The following BCL11A variants were observed in gnomAD, a reference collection of about 807,000 sequenced individuals.
The protein encoded by BCL11A is B cell CLL/lymphoma 11A.
A neutral mutation model predicts 55.9 loss-of-function variants in BCL11A; 2 were observed. The observed-to-expected ratio is 0.04, with a 90% CI of 0.01 to 0.11. The LOEUF (loss-of-function observed/expected upper bound fraction) is 0.11, where lower values mean the gene tolerates loss of function less well. Ranked by LOEUF, BCL11A falls within the 10% of genes least tolerant of loss-of-function variation. The probability of loss-of-function intolerance (pLI) is 1.00; values close to 1 mark genes in which losing one functional copy is unlikely to be tolerated. For synonymous variants in BCL11A, 465 were observed against 473.4 expected, an observed-to-expected ratio of 0.98 and a Z score of 0.23; for missense variants, 817 against 1,137.1, an observed-to-expected ratio of 0.72 and a Z score of 4.05.
At chr2:60,536,143 C>G (rs1669660520) in intron 2 of BCL11A, 2 of 152,212 alleles carry the variant, frequency 1.3e-5, no homozygotes, top group African/African-American at 4.8e-5. Flanking sequence ...GCTTACCGCT[C>G]CACTGCTAGA....
chr2:60,531,009 A>G (rs1315868264), intron 2 of BCL11A, among the ~76,000 whole-genome samples: 2 of 152,220 alleles, frequency 1.3e-5, no homozygotes, highest in Non-Finnish European at 2.9e-5. Flanking sequence ...GTCTGGCTAC[A>G]CCATGGCCAG....
intron 2 of BCL11A, among the ~76,000 whole-genome samples, chr2:60,492,350 C>G (rs1665759998): frequency 6.6e-6 from 1 of 151,556 alleles, no homozygotes; most frequent in African/African-American, 2.4e-5. Context: ...CTAGGCAACA[C>G]AGCGAGACCC....
At chr2:60,551,656 C>T (rs1670418124) in intron 1 of BCL11A, among the ~76,000 whole-genome samples, 1 of 152,290 alleles carries the variant, frequency 6.6e-6, no homozygotes, top group East Asian at 1.9e-4. Context: ...TTTCACCCAG[C>T]CGATTTCGCA....
chr2:60,482,472 G>A (rs1433885323), intron 2 of BCL11A, among the ~76,000 whole-genome samples: 1 of 152,202 alleles, frequency 6.6e-6, no homozygotes, highest in Non-Finnish European at 1.5e-5. Flanking sequence ...AGGGGCATGT[G>A]ACAACTTTGC....
chr2:60,514,942 G>C (rs574725414), intron 2 of BCL11A, among the ~76,000 whole-genome samples: 9 of 151,804 alleles, frequency 5.9e-5, no homozygotes, highest in Non-Finnish European at 1.0e-4. Context: ...CCAAGAGCCA[G>C]TCAAAGCCAC....
chr2:60,501,752 C>T (rs1230262601), intron 2 of BCL11A, among the ~76,000 whole-genome samples: 2 of 151,978 alleles, frequency 1.3e-5, no homozygotes, highest in Non-Finnish European at 2.9e-5. Context: ...GTGATCTACC[C>T]ACCTCGGCCT....
At chr2:60,452,314 C>T (rs956396600), downstream of BCL11A, 6 of 374,984 alleles carry the variant, frequency 1.6e-5, no homozygotes, top group East Asian at 4.2e-5. Flanking sequence ...CTCATGACAG[C>T]GATGGTCCAC....
intron 2 of BCL11A, among the ~76,000 whole-genome samples, chr2:60,521,067 G>GCACGCACACACACA (rs1263469378): frequency 9.3e-5 from 11 of 117,772 alleles, no homozygotes; most frequent in African/African-American, 3.1e-4. Context: ...CTAGTGGTCA[G>GCACGCACACACACA]CACACACACA....
chr2:60,471,025 C>T (rs1413750848), intron 2 of BCL11A, among the ~76,000 whole-genome samples: 1 of 152,162 alleles, frequency 6.6e-6, no homozygotes, highest in Non-Finnish European at 1.5e-5. Flanking sequence ...CTGCTCCTGC[C>T]GTGGTCTTCA....
downstream of BCL11A, among the ~76,000 whole-genome samples, chr2:60,454,383 T>C (rs1477252401): frequency 1.3e-5 from 2 of 152,178 alleles, no homozygotes; most frequent in African/African-American, 4.8e-5. Context: ...GAAACATTTT[T>C]CCAAGCAGGT....
chr2:60,510,967 G>A (rs1208755679), intron 2 of BCL11A, among the ~76,000 whole-genome samples: 1 of 152,244 alleles, frequency 6.6e-6, no homozygotes, highest in Non-Finnish European at 1.5e-5. Context: ...TAAGGCTTAG[G>A]TGGAGCCTCT....
Position 60,546,764 on chromosome 2 carries a change from G to C in BCL11A, c.56-464C>G, listed in dbSNP as rs532430931. On this transcript the variant is annotated intron_variant, in intron 1 of 3. Coordinates refer to ENST00000642384, the MANE Select transcript of BCL11A (RefSeq NM_022893.4). The surrounding 1 kb of genome is among the most constrained non-coding windows in gnomAD (Gnocchi z 4.1). ...ACACCAAGTTGTCCATTGTGCCAAA[G>C]AATGAAAGGAGAGGTGAATAAACAC... Among the ~76,000 whole-genome samples the C allele has an allele frequency of 6.6e-6, 1 of 152,180 alleles. No individual in the cohort carries two copies. Among genetic ancestry groups the C allele is most frequent in the South Asian group, 2.1e-4 (1 of 4,820 alleles).
At chr2:60,503,705 T>C (rs1433204839) in intron 2 of BCL11A, among the ~76,000 whole-genome samples, 1 of 152,152 alleles carries the variant, frequency 6.6e-6, no homozygotes, top group Non-Finnish European at 1.5e-5. Flanking sequence ...TGGAAACCTA[T>C]AGCTGCCAGG....
At chr2:60,493,202 C>T (rs1001273087) in intron 2 of BCL11A, among the ~76,000 whole-genome samples, 9 of 152,156 alleles carry the variant, frequency 5.9e-5, no homozygotes, top group Non-Finnish European at 1.3e-4. Flanking sequence ...CACCATAGGG[C>T]GTTTATCCAT....
chr2:60,453,329 C>T (rs1165602471), downstream of BCL11A, among the ~76,000 whole-genome samples: 1 of 152,156 alleles, frequency 6.6e-6, no homozygotes, highest in African/African-American at 2.4e-5. Context: ...TATTTTCCTC[C>T]GGGGTTCCTC....
At chr2:60,525,741 G>A (rs1271787746) in intron 2 of BCL11A, 1 of 152,198 alleles carries the variant, frequency 6.6e-6, no homozygotes, top group Non-Finnish European at 1.5e-5. Flanking sequence ...CAGAACCCAG[G>A]TGTCCTGGTT....
chr2:60,489,383 G>A (rs777208266), intron 2 of BCL11A, among the ~76,000 whole-genome samples: 17 of 152,216 alleles, frequency 1.1e-4, no homozygotes, highest in South Asian at 2.1e-4. Context: ...AATTTCTGCC[G>A]CTGGAAGTTT....
chr2:60,488,220 T>C (rs1364003148), intron 2 of BCL11A, among the ~76,000 whole-genome samples: 2 of 152,252 alleles, frequency 1.3e-5, no homozygotes, highest in African/African-American at 4.8e-5. Context: ...CATCAAAGCC[T>C]GTAAAAGATA....
chr2:60,538,652 G>GT (rs1669774285), intron 2 of BCL11A: 1 of 151,332 alleles, frequency 6.6e-6, no homozygotes, highest in African/African-American at 2.4e-5. Flanking sequence ...GTTGAAAGTT[G>GT]TTTTTTAAAA....
Sources: allele counts gnomAD v4.1 joint callset (sites outside exome capture counted in the v4.1 genomes callset), GRCh38; gene constraint gnomAD v4.1.1; non-coding constraint Gnocchi (gnomAD v3.1); transcripts MANE v1.5; gene names NCBI Gene and HGNC (gene_info 2026-07-23, HGNC 2026-07-21).